Variants in DST observed in about 807,000 individuals in gnomAD.
DST encodes dystonin, also known as bullous pemphigoid antigen.
A neutral mutation model predicts 875.2 loss-of-function variants in DST; 253 were observed. That is an observed-to-expected ratio of 0.29 (90% CI 0.26 to 0.32). DST has a LOEUF of 0.32. DST is among the 10% of genes least tolerant of loss of function. The pLI is 1.00. For synonymous variants in DST, 3,124 were observed against 3,197.1 expected (o/e 0.98, Z 0.77); for missense variants, 8,287 against 9,111.6 (o/e 0.91, Z 3.68).
At position 56,916,778 on chromosome 6, in the gene DST, T is replaced by TCTCTCTCTCTCTCTCACACACA. The variant is rs1470233953; in HGVS notation, c.217-16158_217-16157insTGTGTGTGAGAGAGAGAGAGAG. ...ATCTCTCTCTCTCTCTCTCTCTCTC[T>TCTCTCTCTCTCTCTCACACACA]CACACACACACACACACACACACAC... is the stretch of plus-strand genomic sequence containing the variant. On this transcript the variant is annotated intron_variant, in intron 2 of 103. Transcript: ENST00000680361. Among the ~76,000 whole-genome samples, 94 of 91,324 alleles carry TCTCTCTCTCTCTCTCACACACA rather than the reference T, an allele frequency of 1.0e-3. 1 individual carries two copies. Among genetic ancestry groups the TCTCTCTCTCTCTCTCACACACA allele is most frequent in the African/African-American group, 4.5e-3 (87 of 19,536 alleles). The allele number at this position is 91,324 out of a possible 152,430, so 59.9% of individuals were successfully genotyped here. A position where few individuals can be genotyped will look rare whatever the true frequency, so the allele number is the denominator to read the frequency against.
chr6:56,716,681 C>A (rs2099395742), intron 5 of DST, among the ~76,000 whole-genome samples: 1 of 152,162 alleles, frequency 6.6e-6, no homozygotes, highest in Non-Finnish European at 1.5e-5. Flanking sequence ...TAACCAACCC[C>A]ACCAAACTGG....
intron 47 of DST, 97 bp downstream of exon 47, chr6:56,597,623 ACAGAAAAAAACCTCTTTTGT>A: frequency 9.9e-7 from 1 of 1,013,282 alleles, no homozygotes; most frequent in Non-Finnish European, 1.4e-6. Context: ...CATGATGAAC[ACAGAAAAAAACCTCTTTTGT>A]CAGTAAGGTT....
chr6:56,642,211 T>C, intron 16 of DST, 110 bp from the exon 17 acceptor site: 2 of 1,009,558 alleles, frequency 2.0e-6, no homozygotes, highest in Non-Finnish European at 3.0e-6. Context: ...TTCTTTAGTT[T>C]TCCTTGTTGG....
intron 4 of DST, among the ~76,000 whole-genome samples, chr6:56,776,802 T>C (rs999523788): frequency 5.3e-5 from 8 of 152,206 alleles, no homozygotes; most frequent in Non-Finnish European, 1.2e-4. Flanking sequence ...TTTTAAAAAC[T>C]TACTGGCACT....
At chr6:56,949,315 G>C (rs1821198224) in intron 2 of DST, among the ~76,000 whole-genome samples, 1 of 152,256 alleles carries the variant, frequency 6.6e-6, no homozygotes, top group South Asian at 2.1e-4. Flanking sequence ...TTAATTATAT[G>C]GTAGTGTTGA....
chr6:56,701,802 T>G, intron 8 of DST, 86 bp downstream of exon 8: 1 of 821,818 alleles, frequency 1.2e-6, no homozygotes, highest in Non-Finnish European at 2.0e-6. Flanking sequence ...CAGGCAAATT[T>G]AACCTTGTCA....
In DST at chr6:56,594,224, A is replaced by C. The variant is rs200534418; in HGVS notation, c.12196-31T>G. Reference sequence around the variant, plus strand: ...TGAAAACAAATTGATCATAATCTTCAAGCAGTAACGGGGTAACACCTGCAG... The same window carrying C: ...TGAAAACAAATTGATCATAATCTTCCAGCAGTAACGGGGTAACACCTGCAG... On this transcript the variant is annotated intron_variant, in intron 47 of 103. Coordinates refer to ENST00000680361, the MANE Select transcript of DST (RefSeq NM_001374736.1). The C allele has an allele frequency of 8.7e-5, 131 of 1,497,970 alleles. No homozygotes were observed. In the Middle Eastern group the frequency reaches 3.2e-3, roughly 37 times the overall value. 92.8% of individuals were successfully genotyped at this position (1,497,970 alleles called of 1,614,324 possible).
At chr6:56,825,738 CCTA>C (rs1395657738) in intron 4 of DST, among the ~76,000 whole-genome samples, 1 of 152,030 alleles carries the variant, frequency 6.6e-6, no homozygotes, top group Non-Finnish European at 1.5e-5. Context: ...CTTCTTGATC[CCTA>C]CTGTCAGATA....
At position 56,851,559 on chromosome 6, in the gene DST, C is replaced by T; in HGVS notation, c.463G>A (p.Asp155Asn). The change falls in exon 4 of 104, where the codon GAT becomes AAT. Residue 155 changes from aspartate (D) to asparagine (N), a missense_variant. Physicochemically the swap from Asp to Asn is conservative, Grantham distance 23 (BLOSUM62 1). This residue lies in a region of DST where 1,160 missense variants were observed against 1,424.3 expected (regional missense o/e 0.81). Transcript: ENST00000680361. ...CTGAAATCATCCTCATCGGAAAAAT[C>T]CGCAGAGGAAGACATAGAGCAGCGA... The part of the protein sequence containing the change: ...SYRCSMSSSA[D>N]FSDEDDFSQK... 1.2e-6 allele frequency: 2 copies of T among 1,613,986 alleles called. No individual in the cohort carries two copies. Among genetic ancestry groups the T allele is most frequent in the Non-Finnish European group, 1.7e-6 (2 of 1,179,884 alleles).
intron 5 of DST, among the ~76,000 whole-genome samples, chr6:56,720,178 A>C (rs1435602728): frequency 2.0e-5 from 3 of 152,190 alleles, no homozygotes; most frequent in Non-Finnish European, 4.4e-5. Flanking sequence ...ACCCACCCTC[A>C]GGGTCGCCTT....
intron 4 of DST, among the ~76,000 whole-genome samples, chr6:56,803,877 T>C (rs1198468765): frequency 6.6e-6 from 1 of 152,160 alleles, no homozygotes; most frequent in Non-Finnish European, 1.5e-5. Flanking sequence ...AATGGGAGAT[T>C]TGAAGTGAAG....
intron 4 of DST, among the ~76,000 whole-genome samples, chr6:56,803,143 G>A (rs565502805): frequency 6.6e-6 from 1 of 152,230 alleles, no homozygotes; most frequent in South Asian, 2.1e-4. Flanking sequence ...ATATTTTGCA[G>A]GTGAGGAAAG....
chr6:56,780,710 T>G (rs2099691652), intron 4 of DST, among the ~76,000 whole-genome samples: 1 of 151,056 alleles, frequency 6.6e-6, no homozygotes, highest in South Asian at 2.1e-4. Flanking sequence ...TCTTTTGCTG[T>G]GCAGAAGCTC....
At chr6:56,615,984 C>T (rs1053414952) in intron 36 of DST, 1 of 1,614,214 alleles carries the variant, frequency 6.2e-7, no homozygotes, top group Non-Finnish European at 8.5e-7. Flanking sequence ...TACTTTTTGC[C>T]AGTAAGAGGA....
At chr6:56,585,193 G>A (rs1360058606) in intron 49 of DST, among the ~76,000 whole-genome samples, 1 of 152,194 alleles carries the variant, frequency 6.6e-6, no homozygotes, top group Non-Finnish European at 1.5e-5. Context: ...TTGTACCTCT[G>A]GTAGAATTTG....
intron 9 of DST, among the ~76,000 whole-genome samples, chr6:56,694,259 A>G (rs927957098): frequency 9.9e-5 from 15 of 151,630 alleles, no homozygotes; most frequent in Non-Finnish European, 1.9e-4. Flanking sequence ...GGATTTACAC[A>G]TAAGTACAAA....
At position 56,608,688 on chromosome 6, in the gene DST, A is replaced by G; in HGVS notation, c.5940T>C (p.Arg1980=). The change falls in exon 40 of 104, where the codon CGT becomes CGC. Residue 1980 remains arginine (R), a synonymous_variant. Transcript: ENST00000680361. ...CACTTAACAACCTAAACATGGTTTC[A>G]CGGTCTATGAGACCTTCATGAGCTG... ...LRAAHEGLID[R]ETMFRLLSAQ... 2 of 1,612,926 alleles carry G rather than the reference A, an allele frequency of 1.2e-6. No homozygotes were observed. Among genetic ancestry groups the G allele is most frequent in the Non-Finnish European group, 1.7e-6 (2 of 1,179,452 alleles).
chr6:56,537,630 T>C (rs1285838439), intron 61 of DST, among the ~76,000 whole-genome samples: 1 of 152,182 alleles, frequency 6.6e-6, no homozygotes, highest in African/African-American at 2.4e-5. Context: ...TCTGATCACA[T>C]ACCTTACCAG....
At chr6:56,819,313 G>T (rs61542785) in intron 4 of DST, among the ~76,000 whole-genome samples, 1,751 of 152,100 alleles carry the variant, frequency 0.012, 40 homozygotes, top group African/African-American at 0.04. Context: ...GAACTTCCAG[G>T]GTACACTGTT....
Sources: allele counts gnomAD v4.1 joint callset (sites outside exome capture counted in the v4.1 genomes callset), GRCh38; gene constraint gnomAD v4.1.1; regional missense constraint gnomAD v4.1.1; transcripts MANE v1.5; gene names NCBI Gene and HGNC (gene_info 2026-07-23, HGNC 2026-07-21).